Variants in UBTD1 observed in about 807,000 individuals in gnomAD.
The protein encoded by UBTD1 is ubiquitin domain-containing protein 1.
UBTD1 carries 19 observed loss-of-function variants against 21.7 expected under a neutral mutation model. That is an observed-to-expected ratio of 0.87 (90% CI 0.61 to 1.28). The LOEUF (loss-of-function observed/expected upper bound fraction) is 1.28, where lower values mean the gene tolerates loss of function less well. Among genes scored for constraint, UBTD1 ranks in the 50% most tolerant of loss-of-function variants. UBTD1 has a pLI of 0.00. For synonymous variants in UBTD1, 116 were observed against 135.1 expected, an observed-to-expected ratio of 0.86 and a Z score of 0.98; for missense variants, 282 against 315.1, an observed-to-expected ratio of 0.89 and a Z score of 0.80.
At chr10:97,537,676 G>C (rs2040569720) in intron 1 of UBTD1, among the ~76,000 whole-genome samples, 1 of 152,148 alleles carries the variant, frequency 6.6e-6, no homozygotes, top group African/African-American at 2.4e-5. Flanking sequence ...CAGCCAGCCG[G>C]AGCCTATTTC....
At chr10:97,544,289 C>G (rs1463146696) in intron 1 of UBTD1, among the ~76,000 whole-genome samples, 2 of 86,416 alleles carry the variant, frequency 2.3e-5, no homozygotes, top group Non-Finnish European at 6.2e-5. Context: ...GAAACTCTGT[C>G]TCAAAAAAAA....
intron 1 of UBTD1, among the ~76,000 whole-genome samples, chr10:97,557,090 G>A (rs990259253): frequency 2.6e-4 from 40 of 152,138 alleles, no homozygotes; most frequent in African/African-American, 9.2e-4. Context: ...ACTAAGTGTC[G>A]GACTTCCCAT....
In UBTD1 at chr10:97,570,256, C is replaced by G. The variant is rs777290166; in HGVS notation, c.417C>G (p.Pro139=). ...EHTEEESLEP[P]EPPPSVRREF... ...CGGAGGAGGAGAGCCTGGAGCCCCC[C>G]GAGCCTCCACCCAGCGTGCGCCGTG... The change falls in exon 3 of 3, where the codon CCC becomes CCG. Residue 139 remains proline (P), a synonymous_variant. Transcript: ENST00000370664. The surrounding 1 kb of genome is among the most constrained non-coding windows in gnomAD (Gnocchi z 6.6). The G allele has an allele frequency of 2.5e-6, 4 of 1,613,056 alleles. No individual in the cohort carries two copies. The highest frequency in any genetic ancestry group is 3.4e-6 in the Non-Finnish European group (4 of 1,179,986).
intron 1 of UBTD1, among the ~76,000 whole-genome samples, chr10:97,512,589 G>A (rs572797815): frequency 6.6e-6 from 1 of 152,350 alleles, no homozygotes; most frequent in African/African-American, 2.4e-5. Context: ...GAATGGGCCA[G>A]TCTTCAGGGT....
chr10:97,547,479 C>T (rs1033577737), intron 1 of UBTD1, among the ~76,000 whole-genome samples: 1 of 152,216 alleles, frequency 6.6e-6, no homozygotes, highest in Admixed American at 6.5e-5. Context: ...CACTCTCTGT[C>T]CCTGTTGAGC....
chr10:97,510,791 A>G (rs1248853722), intron 1 of UBTD1, among the ~76,000 whole-genome samples: 2 of 152,198 alleles, frequency 1.3e-5, no homozygotes, highest in Non-Finnish European at 2.9e-5. Flanking sequence ...TGTCATTATC[A>G]TAGAGATAGC....
At chr10:97,523,685 C>T (rs73330757) in intron 1 of UBTD1, among the ~76,000 whole-genome samples, 3,385 of 152,084 alleles carry the variant, frequency 0.022, 140 homozygotes, top group African/African-American at 0.077. Context: ...GATTTGGGCA[C>T]CTGGGGGCTG....
chr10:97,553,903 C>A (rs1427198407), intron 1 of UBTD1, among the ~76,000 whole-genome samples: 1 of 152,196 alleles, frequency 6.6e-6, no homozygotes, highest in Non-Finnish European at 1.5e-5. Context: ...GGCTCACTCA[C>A]AGTAACTGTC....
At chr10:97,510,348 T>C (rs2040418673) in intron 1 of UBTD1, among the ~76,000 whole-genome samples, 3 of 152,256 alleles carry the variant, frequency 2.0e-5, no homozygotes, top group Non-Finnish European at 1.5e-5. Flanking sequence ...CAGGTCATTA[T>C]GACAAATGTT....
At chr10:97,563,883 T>C (rs1418966229) in intron 1 of UBTD1, among the ~76,000 whole-genome samples, 1 of 152,174 alleles carries the variant, frequency 6.6e-6, no homozygotes, top group Non-Finnish European at 1.5e-5. Context: ...ATTAGGCTTA[T>C]AAGGATTACT....
intron 1 of UBTD1, among the ~76,000 whole-genome samples, chr10:97,555,575 A>T (rs903188173): frequency 6.6e-6 from 1 of 152,196 alleles, no homozygotes; most frequent in African/African-American, 2.4e-5. Context: ...GAGCTCCCCA[A>T]ATGCACAATT....
intron 1 of UBTD1, among the ~76,000 whole-genome samples, chr10:97,500,128 G>A (rs1184843127): frequency 6.6e-6 from 1 of 152,206 alleles, no homozygotes; most frequent in Admixed American, 6.5e-5. Flanking sequence ...CTCCTACTCT[G>A]TGTCAAAGCC....
intron 1 of UBTD1, among the ~76,000 whole-genome samples, chr10:97,562,923 G>C (rs1200993331): frequency 1.3e-5 from 2 of 152,148 alleles, no homozygotes; most frequent in Non-Finnish European, 2.9e-5. Flanking sequence ...AAATTTTGGG[G>C]GGTGGTATGG....
rs1235568130 is a variant in UBTD1 at position 97,571,042 on chromosome 10, G to A, written c.*519G>A. On this transcript the variant is annotated 3_prime_UTR_variant, in exon 3 of 3. Transcript: ENST00000370664. Reference sequence around the variant, plus strand: ...CCCCCAGCACAATTGGCAGAGATGAGGCGGGTGGTGGACAGCTGGGCTGTC... The same window carrying A: ...CCCCCAGCACAATTGGCAGAGATGAAGCGGGTGGTGGACAGCTGGGCTGTC... 2 of 160,708 alleles carry A rather than the reference G, an allele frequency of 1.2e-5. No homozygotes were observed. Among genetic ancestry groups the A allele is most frequent in the African/African-American group, 4.8e-5 (2 of 41,602 alleles). 10.0% of individuals were successfully genotyped at this position (160,708 alleles called of 1,614,324 possible). A position where few individuals can be genotyped will look rare whatever the true frequency, so the allele number is the denominator to read the frequency against.
At chr10:97,538,558 A>G (rs1030548119) in intron 1 of UBTD1, among the ~76,000 whole-genome samples, 1 of 152,166 alleles carries the variant, frequency 6.6e-6, no homozygotes, top group Non-Finnish European at 1.5e-5. Flanking sequence ...CCAGACAGTG[A>G]TATGAGCTCG....
At chr10:97,564,443 C>G (rs532329322) in intron 1 of UBTD1, among the ~76,000 whole-genome samples, 263 of 152,300 alleles carry the variant, frequency 1.7e-3, no homozygotes, top group Non-Finnish European at 3.4e-3. Context: ...AAGAGATTAG[C>G]TAAAAATCTA....
At chr10:97,518,506 C>G (rs749764529) in intron 1 of UBTD1, among the ~76,000 whole-genome samples, 38 of 152,226 alleles carry the variant, frequency 2.5e-4, no homozygotes, top group Admixed American at 7.8e-4. Flanking sequence ...TGCCCTCCAG[C>G]CCGTTTGGCT....
At chr10:97,557,175 G>A (rs980053844) in intron 1 of UBTD1, among the ~76,000 whole-genome samples, 1 of 152,062 alleles carries the variant, frequency 6.6e-6, no homozygotes, top group Middle Eastern at 3.2e-3. Context: ...CTACATGTTT[G>A]GCTAATTGCA....
At chr10:97,547,591 G>T (rs1308071331) in intron 1 of UBTD1, among the ~76,000 whole-genome samples, 1 of 152,036 alleles carries the variant, frequency 6.6e-6, no homozygotes, top group Non-Finnish European at 1.5e-5. Flanking sequence ...TTGAAACAGA[G>T]TCTTGCTCTG....
Sources: allele counts gnomAD v4.1 joint callset (sites outside exome capture counted in the v4.1 genomes callset), GRCh38; gene constraint gnomAD v4.1.1; non-coding constraint Gnocchi (gnomAD v3.1); transcripts MANE v1.5; gene names NCBI Gene and HGNC (gene_info 2026-07-23, HGNC 2026-07-21).